Variants in CTNNA3 observed in about 807,000 individuals in gnomAD.
The protein encoded by CTNNA3 is catenin alpha-3.
In CTNNA3, 76 loss-of-function variants were observed where a neutral mutation model predicts 95.7. The ratio of observed to expected loss-of-function variants is 0.79; its 90% CI spans 0.66 to 0.96. The LOEUF is 0.96. Among genes scored for constraint, CTNNA3 ranks in the 40% least tolerant of loss-of-function variants. CTNNA3 has a pLI of 0.00. For synonymous variants in CTNNA3, 431 were observed against 374.4 expected, an observed-to-expected ratio of 1.15 and a Z score of -1.74; for missense variants, 1,191 against 1,089.8, an observed-to-expected ratio of 1.09 and a Z score of -1.31.
At chr10:66,405,749 A>G (rs867485694) in intron 11 of CTNNA3, among the ~76,000 whole-genome samples, 8 of 152,242 alleles carry the variant, frequency 5.3e-5, no homozygotes, top group African/African-American at 1.4e-4. Flanking sequence ...TTCCTGTCCT[A>G]TGCTGCACTA....
chr10:67,491,169 C>T (rs992678989), intron 5 of CTNNA3, among the ~76,000 whole-genome samples: 1 of 152,038 alleles, frequency 6.6e-6, no homozygotes, highest in African/African-American at 2.4e-5. Context: ...GTGAATCAAA[C>T]AGCCTCAAAA....
Position 66,536,139 on chromosome 10 carries a change from G to A in CTNNA3, c.1375-15366C>T, listed in dbSNP as rs575138140. 3.6e-5 allele frequency among the ~76,000 whole-genome samples: 5 copies of A among 138,770 alleles called. No homozygotes were observed. The East Asian group carries it at 1.1e-3, about 31-fold the overall frequency. 91.0% of individuals were successfully genotyped at this position (138,770 alleles called of 152,430 possible). On this transcript the variant is annotated intron_variant, in intron 10 of 17. Transcript: ENST00000433211. ...AGTACCAGGAGGTGAAACGACATGA[G>A]AGAGAGAGAGAGAGAGAGAGAGACA... is the stretch of plus-strand genomic sequence containing the variant.
intron 13 of CTNNA3, among the ~76,000 whole-genome samples, chr10:66,250,893 G>T (rs1369254436): frequency 4.6e-5 from 7 of 151,954 alleles, no homozygotes; most frequent in Admixed American, 3.9e-4. Context: ...TTTTCTAGAG[G>T]GTAACATAGA....
rs115741779 is a variant in CTNNA3, at chr10:67,614,335, C to T, written c.100-7286G>A. On this transcript the variant is annotated intron_variant, in intron 2 of 17. Coordinates refer to ENST00000433211, the MANE Select transcript of CTNNA3 (RefSeq NM_013266.4). ...GTTTCAGGATGATTCAAGTGGATTA[C>T]ATTTATTGTGTACTTTATATTATTA... Among the ~76,000 whole-genome samples, 953 of 152,272 alleles carry T rather than the reference C, an allele frequency of 6.3e-3. 19 individuals are homozygous for T. The highest frequency in any genetic ancestry group is 0.022 in the African/African-American group (904 of 41,554).
intron 13 of CTNNA3, among the ~76,000 whole-genome samples, chr10:66,105,069 C>T (rs1203247699): frequency 6.6e-6 from 1 of 152,188 alleles, no homozygotes; most frequent in African/African-American, 2.4e-5. Context: ...GAGCATTTTG[C>T]ATTTATTTCA....
chr10:65,969,816 T>C (rs1223321305), intron 16 of CTNNA3, among the ~76,000 whole-genome samples: 1 of 151,954 alleles, frequency 6.6e-6, no homozygotes, highest in East Asian at 1.9e-4. Flanking sequence ...TTCCTGAGAC[T>C]GAGAAAAAGA....
At chr10:66,349,252 T>C (rs2092549025) in intron 12 of CTNNA3, among the ~76,000 whole-genome samples, 1 of 152,002 alleles carries the variant, frequency 6.6e-6, no homozygotes, top group African/African-American at 2.4e-5. Flanking sequence ...CCCTCACTCC[T>C]ACAACCACAG....
chr10:67,727,184 ATATAT>A (rs1240983235), intron 1 of CTNNA3, among the ~76,000 whole-genome samples: 2 of 126,560 alleles, frequency 1.6e-5, no homozygotes, highest in African/African-American at 2.9e-5. Flanking sequence ...CATATATTAT[ATATAT>A]TATGTGTATA....
chr10:66,830,987 T>A (rs922807890), intron 7 of CTNNA3, among the ~76,000 whole-genome samples: 1 of 152,212 alleles, frequency 6.6e-6, no homozygotes, highest in African/African-American at 2.4e-5. Flanking sequence ...TTGTTTTATA[T>A]GTTTTTAAAT....
At position 67,218,688 on chromosome 10, in the gene CTNNA3, A is replaced by G. The variant is rs182504022; in HGVS notation, c.843+919T>C. On this transcript the variant is annotated intron_variant, in intron 6 of 17. Transcript: ENST00000433211. Reference sequence around the variant, plus strand: ...ATTCTATCAAAATTCAGTTGACTCTATTTACAAAATTTAGCACTGATGTCC... The same window carrying G: ...ATTCTATCAAAATTCAGTTGACTCTGTTTACAAAATTTAGCACTGATGTCC... Among the ~76,000 whole-genome samples the G allele has an allele frequency of 2.6e-5, 4 of 152,262 alleles. No homozygotes were observed. The East Asian group carries it at 5.8e-4, about 22-fold the overall frequency.
At position 67,647,695 on chromosome 10, in the gene CTNNA3, A is replaced by G. The variant is rs192883563; in HGVS notation, c.-5-177T>C. Among the ~76,000 whole-genome samples, 7 of 152,250 alleles carry G rather than the reference A, an allele frequency of 4.6e-5. No homozygotes were observed. In the East Asian group the frequency reaches 7.7e-4, roughly 17 times the overall value. On this transcript the variant is annotated intron_variant, in intron 1 of 17. Transcript: ENST00000433211. ...CTTCAGAGAAAGAAGATATTCCCCA[A>G]CTGTTCCCTGAGGTCATGCTGCCTG... is the stretch of plus-strand genomic sequence containing the variant.
intron 11 of CTNNA3, among the ~76,000 whole-genome samples, chr10:66,428,987 A>C (rs10822830): frequency 0.38 from 57,384 of 151,070 alleles, 11,400 homozygotes; most frequent in African/African-American, 0.5. Context: ...AAAAGATCAA[A>C]AAAATTGATA....
intron 7 of CTNNA3, among the ~76,000 whole-genome samples, chr10:67,153,231 C>T (rs1023255161): frequency 2.6e-5 from 4 of 152,202 alleles, no homozygotes; most frequent in Non-Finnish European, 5.9e-5. Flanking sequence ...CCACCTTGAC[C>T]TCCCAAAGTG....
chr10:67,590,521 T>C (rs1306457958), intron 3 of CTNNA3, among the ~76,000 whole-genome samples: 2 of 152,120 alleles, frequency 1.3e-5, no homozygotes, highest in Non-Finnish European at 2.9e-5. Context: ...CCACAAGCAA[T>C]GTTTAAAAGA....
At chr10:65,923,897 A>G (rs766186046) in intron 17 of CTNNA3, among the ~76,000 whole-genome samples, 8 of 152,170 alleles carry the variant, frequency 5.3e-5, no homozygotes, top group Non-Finnish European at 1.2e-4. Context: ...AGCATCTATA[A>G]GATGCTTTTT....
intron 10 of CTNNA3, among the ~76,000 whole-genome samples, chr10:66,557,057 A>T (rs1158179663): frequency 6.6e-6 from 1 of 152,038 alleles, no homozygotes; most frequent in Non-Finnish European, 1.5e-5. Flanking sequence ...TTTCATTTTC[A>T]TAGTCATATC....
intron 11 of CTNNA3, among the ~76,000 whole-genome samples, chr10:66,498,560 C>G (rs1840174525): frequency 1.3e-5 from 2 of 152,018 alleles, no homozygotes; most frequent in Admixed American, 6.6e-5. Context: ...TTGTTAGTGT[C>G]TAATTAAGCA....
intron 7 of CTNNA3, among the ~76,000 whole-genome samples, chr10:67,166,557 T>C (rs983406412): frequency 2.0e-5 from 3 of 152,246 alleles, no homozygotes; most frequent in African/African-American, 7.2e-5. Context: ...TAATTTTCTC[T>C]ACATCTTTCT....
chr10:66,978,552 A>AAATAAAAAAAAAATATATATATATATAT, intron 7 of CTNNA3, among the ~76,000 whole-genome samples: 10 of 37,886 alleles, frequency 2.6e-4, no homozygotes, highest in South Asian at 1.2e-3. Context: ...AAAAAAAAAA[A>AAATAAAAAAAAAATATATATATATATAT]ATATATATAT....
Sources: allele counts gnomAD v4.1 joint callset (sites outside exome capture counted in the v4.1 genomes callset), GRCh38; gene constraint gnomAD v4.1.1; transcripts MANE v1.5; gene names NCBI Gene and HGNC (gene_info 2026-07-23, HGNC 2026-07-21).